IFT80: variants seen among roughly 807,000 people sequenced by gnomAD.
The protein encoded by IFT80 is intraflagellar transport protein 80 homolog.
A neutral mutation model predicts 107.9 loss-of-function variants in IFT80; 79 were observed. The ratio of observed to expected loss-of-function variants is 0.73; its 90% CI spans 0.61 to 0.88. The LOEUF (loss-of-function observed/expected upper bound fraction) is 0.88. Among genes scored for constraint, IFT80 ranks in the 40% least tolerant of loss-of-function variants. IFT80 has a pLI of 0.00. For synonymous variants in IFT80, 299 were observed against 300.9 expected (o/e 0.99, Z 0.07); for missense variants, 797 against 914.2 (o/e 0.87, Z 1.65).
At chr3:160,316,107 T>C (rs1470044733) in intron 9 of IFT80, among the ~76,000 whole-genome samples, 3 of 152,110 alleles carry the variant, frequency 2.0e-5, no homozygotes, top group African/African-American at 7.2e-5. Flanking sequence ...GAGCTCGGGT[T>C]ATAAAAAACT....
chr3:160,328,433 G>C (rs901960164), intron 8 of IFT80, among the ~76,000 whole-genome samples: 5 of 135,838 alleles, frequency 3.7e-5, no homozygotes, highest in African/African-American at 1.4e-4. Context: ...GTGCACTCCA[G>C]CCTGGGTGAC....
chr3:160,320,949 A>T (rs1718167984), intron 8 of IFT80, among the ~76,000 whole-genome samples: 1 of 151,888 alleles, frequency 6.6e-6, no homozygotes, highest in Non-Finnish European at 1.5e-5. Flanking sequence ...ACATAAAAAT[A>T]CTGAAAGGCT....
intron 12 of IFT80, among the ~76,000 whole-genome samples, chr3:160,288,387 T>G (rs1006963323): frequency 6.6e-6 from 1 of 152,044 alleles, no homozygotes; most frequent in Non-Finnish European, 1.5e-5. Context: ...ATAAAAACCC[T>G]GGAAGACAAC....
At chr3:160,300,679 T>G (rs1050649997) in intron 12 of IFT80, among the ~76,000 whole-genome samples, 3 of 152,108 alleles carry the variant, frequency 2.0e-5, no homozygotes, top group Non-Finnish European at 4.4e-5. Context: ...TGTGACAATA[T>G]CTGTTTGTTC....
chr3:160,270,361 G>C (rs1328288944), intron 18 of IFT80, among the ~76,000 whole-genome samples: 1 of 152,152 alleles, frequency 6.6e-6, no homozygotes, highest in African/African-American at 2.4e-5. Flanking sequence ...TAGACATGGT[G>C]TATGTATTGA....
intron 3 of IFT80, among the ~76,000 whole-genome samples, chr3:160,379,705 A>G (rs1266446162): frequency 6.6e-6 from 1 of 152,200 alleles, no homozygotes; most frequent in East Asian, 1.9e-4. Flanking sequence ...TAAATGCAAA[A>G]TTATATCAAA....
chr3:160,348,111 T>C (rs1241554907), intron 8 of IFT80, among the ~76,000 whole-genome samples: 2 of 152,288 alleles, frequency 1.3e-5, no homozygotes, highest in East Asian at 3.9e-4. Flanking sequence ...ATATATCATT[T>C]TATTTATTTA....
chr3:160,261,250 G>A (rs960491324), intron 19 of IFT80, among the ~76,000 whole-genome samples: 3 of 151,446 alleles, frequency 2.0e-5, no homozygotes, highest in Non-Finnish European at 2.9e-5. Flanking sequence ...AACCACCTTC[G>A]GCTGTTTTCA....
At chr3:160,322,552 C>G (rs1350652543) in intron 8 of IFT80, among the ~76,000 whole-genome samples, 4 of 152,122 alleles carry the variant, frequency 2.6e-5, no homozygotes, top group East Asian at 1.9e-4. Context: ...TATATACCCA[C>G]TAATGGGATG....
At chr3:160,268,244 A>G (rs563445545) in intron 19 of IFT80, among the ~76,000 whole-genome samples, 169 bp downstream of exon 19, 2 of 152,208 alleles carry the variant, frequency 1.3e-5, no homozygotes, top group South Asian at 4.1e-4. Flanking sequence ...CCAGAGAAAA[A>G]TTTAGTACTA....
chr3:160,278,486 A>G (rs879360458), intron 16 of IFT80, among the ~76,000 whole-genome samples: 1 of 152,206 alleles, frequency 6.6e-6, no homozygotes, highest in African/African-American at 2.4e-5. Context: ...AATCTGCTGC[A>G]GTCCACCACT....
chr3:160,312,596 A>ATATATATTATATATAAATATATAATAT (rs1717361169), intron 9 of IFT80, among the ~76,000 whole-genome samples: 1 of 88,948 alleles, frequency 1.1e-5, no homozygotes, highest in Non-Finnish European at 2.1e-5. Flanking sequence ...ATATATAATA[A>ATATATATTATATATAAATATATAATAT]ATATATATTA....
intron 8 of IFT80, among the ~76,000 whole-genome samples, chr3:160,355,238 T>G (rs1173049339): frequency 6.6e-6 from 1 of 151,844 alleles, no homozygotes; most frequent in Non-Finnish European, 1.5e-5. Flanking sequence ...TAAAGAAAAA[T>G]ATGCCCTTTG....
intron 2 of IFT80, chr3:160,384,016 G>A (rs528038331): frequency 1.5e-4 from 118 of 807,760 alleles, no homozygotes; most frequent in Admixed American, 1.9e-4. Flanking sequence ...AGGCTGGGGC[G>A]GGTGGATCAC....
chr3:160,363,435 C>T (rs993498690), intron 6 of IFT80, among the ~76,000 whole-genome samples: 1 of 152,100 alleles, frequency 6.6e-6, no homozygotes, highest in African/African-American at 2.4e-5. Flanking sequence ...AATGGCCATA[C>T]TGCCCAAAGT....
chr3:160,272,560 C>G (rs6808628), intron 18 of IFT80, among the ~76,000 whole-genome samples: 1 of 152,006 alleles, frequency 6.6e-6, no homozygotes, highest in Admixed American at 6.6e-5. Flanking sequence ...CCCTTCTGAT[C>G]TCTATTGCTA....
intron 2 of IFT80, 93 bp from the exon 3 acceptor site, chr3:160,381,817 G>A (rs1296202527): frequency 3.1e-6 from 3 of 981,332 alleles, no homozygotes; most frequent in Admixed American, 3.5e-5. Flanking sequence ...AAGTAAAATA[G>A]GGTCAAATGG....
At chr3:160,363,552 C>T (rs1454560043) in intron 6 of IFT80, among the ~76,000 whole-genome samples, 2 of 152,078 alleles carry the variant, frequency 1.3e-5, no homozygotes, top group Non-Finnish European at 2.9e-5. Flanking sequence ...GCCTGCATTG[C>T]CAAGACAATC....
At chr3:160,313,722 G>A (rs1364519219) in intron 9 of IFT80, among the ~76,000 whole-genome samples, 1 of 151,316 alleles carries the variant, frequency 6.6e-6, no homozygotes, top group African/African-American at 2.4e-5. Flanking sequence ...TGATTCTCCT[G>A]CCTCAGCCTT....
Sources: allele counts gnomAD v4.1 joint callset (sites outside exome capture counted in the v4.1 genomes callset), GRCh38; gene constraint gnomAD v4.1.1; transcripts MANE v1.5; gene names NCBI Gene and HGNC (gene_info 2026-07-23, HGNC 2026-07-21).